The following LNPEP variants were observed in gnomAD, a reference collection of about 807,000 sequenced individuals.
The protein encoded by LNPEP is leucyl and cystinyl aminopeptidase, also known as leucyl-cystinyl aminopeptidase.
Under a neutral mutation model 120.6 loss-of-function variants are expected in LNPEP, and 64 were observed. The observed-to-expected ratio is 0.53, with a 90% CI of 0.43 to 0.65. The LOEUF is 0.65. Ranked by LOEUF, LNPEP falls within the 30% of genes least tolerant of loss-of-function variation. The pLI is 0.00. For synonymous variants in LNPEP, 435 were observed against 425.4 expected (o/e 1.02, Z -0.28); for missense variants, 1,057 against 1,200.0 (o/e 0.88, Z 1.76).
At chr5:96,977,336 C>T (rs1790021675) in intron 1 of LNPEP, among the ~76,000 whole-genome samples, 1 of 151,852 alleles carries the variant, frequency 6.6e-6, no homozygotes, top group Non-Finnish European at 1.5e-5. Flanking sequence ...GATGATGACA[C>T]TGCAAGCAGA....
At chr5:97,013,939 C>G (rs1582028518) in intron 12 of LNPEP, 108 bp downstream of exon 12, 2 of 748,594 alleles carry the variant, frequency 2.7e-6, no homozygotes, top group Non-Finnish European at 4.1e-6. Flanking sequence ...TTGGTTGGTA[C>G]AATACATTTT....
intron 12 of LNPEP, 40 bp from the exon 13 acceptor site, chr5:97,014,899 G>A (rs1347071705): frequency 7.1e-7 from 1 of 1,412,050 alleles, no homozygotes; most frequent in Non-Finnish European, 9.4e-7. Flanking sequence ...TCTTCTGTGT[G>A]TCTCTGCATA....
chr5:96,991,440 C>CT, intron 4 of LNPEP, among the ~76,000 whole-genome samples: 1 of 152,216 alleles, frequency 6.6e-6, no homozygotes, highest in Middle Eastern at 3.4e-3. Flanking sequence ...AAAGGTGTTC[C>CT]TTTTTCACCA....
chr5:97,026,594 G>A (rs930062003), intron 15 of LNPEP, 23 bp from the exon 16 acceptor site: 4 of 1,594,626 alleles, frequency 2.5e-6, no homozygotes, highest in African/African-American at 2.7e-5. Flanking sequence ...AATTTTGGAG[G>A]CTAAATCTGC....
intron 11 of LNPEP, among the ~76,000 whole-genome samples, chr5:97,008,662 C>CTTTTTTTTTTTT (rs757725207): frequency 3.5e-5 from 3 of 85,448 alleles, no homozygotes; most frequent in African/African-American, 4.7e-5. Context: ...CCTCTTTACT[C>CTTTTTTTTTTTT]TTTTTTTTTT....
intron 1 of LNPEP, chr5:96,958,751 C>G (rs1789528999): frequency 1.3e-5 from 2 of 151,404 alleles, no homozygotes; most frequent in South Asian, 4.2e-4. Flanking sequence ...CCTGGCCCTG[C>G]TCCTTCATCT....
intron 1 of LNPEP, among the ~76,000 whole-genome samples, chr5:96,951,315 G>A (rs78063942): frequency 0.014 from 2,068 of 152,136 alleles, 40 homozygotes; most frequent in East Asian, 0.063. Context: ...CTGGAGTGCA[G>A]TGGCGCGATC....
chr5:96,944,589 GAC>G, intron 1 of LNPEP, among the ~76,000 whole-genome samples: 1 of 43,468 alleles, frequency 2.3e-5, no homozygotes, highest in Admixed American at 3.1e-4. Flanking sequence ...TTTTTTTTGA[GAC>G]AGAGTCTCAT....
chr5:96,947,589 A>AAG (rs1789217634), intron 1 of LNPEP, among the ~76,000 whole-genome samples: 1 of 152,142 alleles, frequency 6.6e-6, no homozygotes, highest in Admixed American at 6.6e-5. Context: ...TGTCCTTTAG[A>AAG]CAGATTTTTA....
At chr5:97,011,287 A>G (rs1790920798) in intron 11 of LNPEP, 2 of 705,918 alleles carry the variant, frequency 2.8e-6, no homozygotes, top group Non-Finnish European at 3.5e-6. Flanking sequence ...GTACAGTGGC[A>G]TGATCATAGC....
In LNPEP at chr5:97,003,487, C is replaced by G; in HGVS notation, c.1726C>G (p.Leu576Val). Residue 576 changes from leucine to valine, a missense_variant, in exon 9 of 18, where the codon CTG (leucine) becomes GTG (valine). By Grantham distance (32) the Leu-to-Val change is conservative. Transcript: ENST00000231368. ...DVFQHAVVLYLHNHSYASIQS... is the reference protein window; with the variant it reads ...DVFQHAVVLYVHNHSYASIQS... ...GTTTCAACATGCTGTTGTCCTTTAC[C>G]TGCATAATCACAGCTATGCATCTAT... 6.2e-7 allele frequency: 1 copy of G among 1,604,558 alleles called. No individual in the cohort carries two copies. Among genetic ancestry groups the G allele is most frequent in the Non-Finnish European group, 8.5e-7 (1 of 1,173,330 alleles).
At chr5:96,986,490 G>T in intron 3 of LNPEP, 49 bp from the exon 4 acceptor site, 3 of 1,545,458 alleles carry the variant, frequency 1.9e-6, no homozygotes, top group African/African-American at 1.4e-5. Context: ...GTTTGTTATT[G>T]CCATTTATTC....
intron 1 of LNPEP, among the ~76,000 whole-genome samples, chr5:96,950,654 G>T (rs1368685354): frequency 6.6e-6 from 1 of 152,182 alleles, no homozygotes; most frequent in Admixed American, 6.5e-5. Flanking sequence ...ATGAATTTTA[G>T]ACCTGACACT....
At chr5:97,010,229 C>A in intron 11 of LNPEP, 1 of 939,528 alleles carries the variant, frequency 1.1e-6, no homozygotes, top group Non-Finnish European at 1.3e-6. Context: ...ACATTTTACT[C>A]AGACCTAAGA....
intron 1 of LNPEP, among the ~76,000 whole-genome samples, chr5:96,975,116 G>A (rs1026882179): frequency 7.2e-5 from 11 of 152,086 alleles, no homozygotes; most frequent in African/African-American, 2.4e-4. Flanking sequence ...TATAGGTGAG[G>A]AAATTGAGGC....
chr5:97,008,944 G>A (rs974785207), intron 11 of LNPEP, among the ~76,000 whole-genome samples: 1 of 151,996 alleles, frequency 6.6e-6, no homozygotes, highest in Non-Finnish European at 1.5e-5. Context: ...GAGCCACTGT[G>A]CCCACCCTCC....
chr5:96,968,281 T>C (rs1789775632), intron 1 of LNPEP, among the ~76,000 whole-genome samples: 1 of 152,088 alleles, frequency 6.6e-6, no homozygotes, highest in Non-Finnish European at 1.5e-5. Flanking sequence ...TAATTAACAC[T>C]ACACAGTCTA....
chr5:96,969,684 A>AT (rs996252344), intron 1 of LNPEP, among the ~76,000 whole-genome samples: 3 of 151,020 alleles, frequency 2.0e-5, no homozygotes, highest in African/African-American at 7.3e-5. Context: ...CTCTAGCAGC[A>AT]TTTTTTGCAT....
chr5:96,971,876 G>A (rs565232690), intron 1 of LNPEP, among the ~76,000 whole-genome samples: 30 of 151,762 alleles, frequency 2.0e-4, no homozygotes, highest in Admixed American at 5.9e-4. Flanking sequence ...AATAAAACAC[G>A]TCTTCTTCAG....
Sources: allele counts gnomAD v4.1 joint callset (sites outside exome capture counted in the v4.1 genomes callset), GRCh38; gene constraint gnomAD v4.1.1; transcripts MANE v1.5; gene names NCBI Gene and HGNC (gene_info 2026-07-23, HGNC 2026-07-21).